Variants in IQSEC1 observed in about 807,000 individuals in gnomAD.
IQSEC1 encodes the protein IQ motif and Sec7 domain ArfGEF 1, also known as IQ motif and SEC7 domain-containing protein 1.
In IQSEC1, 31 loss-of-function variants were observed where a neutral mutation model predicts 91.0. The observed-to-expected ratio is 0.34, with a 90% confidence interval of 0.26 to 0.46. The LOEUF (loss-of-function observed/expected upper bound fraction) is 0.46. IQSEC1 is among the 20% of genes least tolerant of loss of function. The pLI, the probability that IQSEC1 is intolerant of heterozygous loss-of-function variation, is 1.00. For synonymous variants in IQSEC1, 699 were observed against 662.6 expected (o/e 1.05, Z -0.84); for missense variants, 1,388 against 1,575.6 (o/e 0.88, Z 2.02).
intron 1 of IQSEC1, among the ~76,000 whole-genome samples, chr3:13,068,387 C>T (rs954813275): frequency 2.0e-5 from 3 of 152,198 alleles, no homozygotes; most frequent in African/African-American, 4.8e-5. Context: ...CATGCCAGGC[C>T]ATGCCAGCTT....
intron 1 of IQSEC1, among the ~76,000 whole-genome samples, chr3:13,027,727 T>A (rs1181557039): frequency 6.6e-6 from 1 of 151,924 alleles, no homozygotes; most frequent in African/African-American, 2.4e-5. Context: ...GGGAGCAGGT[T>A]TGGAGGGATG....
intron 1 of IQSEC1, among the ~76,000 whole-genome samples, chr3:13,190,164 C>T (rs955657892): frequency 1.1e-4 from 17 of 152,192 alleles, no homozygotes; most frequent in Non-Finnish European, 2.5e-4. Context: ...GGTCCAAGAA[C>T]CCTCCCCCCA....
intron 13 of IQSEC1, among the ~76,000 whole-genome samples, 183 bp downstream of exon 13, chr3:12,902,590 G>T (rs2125000302): frequency 6.7e-6 from 1 of 149,368 alleles, no homozygotes; most frequent in Non-Finnish European, 1.5e-5. Flanking sequence ...TTCCAGGCAG[G>T]CAGGGGCAGG....
chr3:12,980,743 G>A (rs1179699216), intron 1 of IQSEC1, among the ~76,000 whole-genome samples: 3 of 152,160 alleles, frequency 2.0e-5, no homozygotes, highest in Admixed American at 1.3e-4. Context: ...GAGCCCTTCT[G>A]TTCTCTCCTG....
In IQSEC1 at chr3:12,909,489, A is replaced by G; in HGVS notation, c.2417-55T>C. ...CCACGGGTCTCAGTGTGTTCTCTGC[A>G]ATCTCCTCTCTGGTCAGGAAACAAT... On this transcript the variant is annotated intron_variant, in intron 10 of 13. Coordinates refer to ENST00000613206, the MANE Select transcript of IQSEC1 (RefSeq NM_001134382.3). The surrounding 1 kb of genome is among the most constrained non-coding windows in gnomAD (Gnocchi z 4.9). The G allele has an allele frequency of 6.5e-7, 1 of 1,530,604 alleles. No individual in the cohort carries two copies. Among genetic ancestry groups the G allele is most frequent in the Non-Finnish European group, 9.0e-7 (1 of 1,114,480 alleles). The allele number at this position is 1,530,604 out of a possible 1,614,324, so 94.8% of individuals were successfully genotyped here.
chr3:12,922,288 C>A lies in IQSEC1; in HGVS notation c.1731-46G>T. The A allele has an allele frequency of 6.7e-7, 1 of 1,487,496 alleles. No individual in the cohort carries two copies. Among genetic ancestry groups the A allele is most frequent in the Non-Finnish European group, 9.0e-7 (1 of 1,105,258 alleles). The allele number at this position is 1,487,496 out of a possible 1,614,324, so 92.1% of individuals were successfully genotyped here. A position where few individuals can be genotyped will look rare whatever the true frequency, so the allele number is the denominator to read the frequency against. ...CCCGCATAAGCACCCCTTGCAGGTG[C>A]GACACGCCCAGCCCACCCCCAGGTG... On this transcript the variant is annotated intron_variant, in intron 4 of 13. Transcript: ENST00000613206. This position sits in a 1 kb window ranked among gnomAD's most constrained non-coding sequence, Gnocchi z 5.1.
chr3:13,119,646 T>C (rs1022526228), intron 2 of IQSEC1, among the ~76,000 whole-genome samples: 1 of 152,234 alleles, frequency 6.6e-6, no homozygotes, highest in Non-Finnish European at 1.5e-5. Context: ...GTGGGCTGGA[T>C]GTGGCCTGGG....
intron 2 of IQSEC1, among the ~76,000 whole-genome samples, chr3:13,133,999 G>A (rs1706666690): frequency 6.6e-6 from 1 of 152,240 alleles, no homozygotes; most frequent in Admixed American, 6.5e-5. Flanking sequence ...CTTTCTTACA[G>A]CAACCTCCAA....
intron 1 of IQSEC1, among the ~76,000 whole-genome samples, chr3:13,168,389 G>C (rs1237770638): frequency 6.6e-6 from 1 of 152,022 alleles, no homozygotes; most frequent in Non-Finnish European, 1.5e-5. Flanking sequence ...TTTTTATACA[G>C]TGGAAATGAC....
intron 1 of IQSEC1, chr3:13,015,466 C>A: frequency 3.1e-6 from 2 of 649,520 alleles, no homozygotes; most frequent in South Asian, 6.8e-5. Context: ...AAAACTCTGA[C>A]GACAGCCCCC....
chr3:13,152,371 C>T lies in IQSEC1; in HGVS notation c.302+11733G>A, dbSNP rs575347985. Among the ~76,000 whole-genome samples the T allele has an allele frequency of 1.2e-4, 19 of 152,334 alleles. No homozygotes were observed. In the South Asian group the frequency reaches 2.7e-3, roughly 22 times the overall value. On this transcript the variant is annotated intron_variant, in intron 2 of 15. Transcript: ENST00000648114. ...TGGGAAAACAGTAAAGAATAAATAT[C>T]ATATTGCTTTAAATGAATGTTTAGA...
chr3:12,938,099 T>C (rs370645254), intron 2 of IQSEC1, among the ~76,000 whole-genome samples: 10 of 152,176 alleles, frequency 6.6e-5, no homozygotes, highest in East Asian at 3.9e-4. Context: ...AGATAAGGAA[T>C]TGGCTTCTCC....
rs183500185 is a variant in IQSEC1 at position 13,040,477 on chromosome 3, G to T, written c.23+32515C>A. On this transcript the variant is annotated intron_variant, in intron 1 of 13. Transcript: ENST00000613206. ...TGAGTAAGAACCTCCATAGGTCAGGGGAGGGGACAAAGAGCGCTCTCACGG... is the reference window on the plus strand; with the variant it reads ...TGAGTAAGAACCTCCATAGGTCAGGTGAGGGGACAAAGAGCGCTCTCACGG... Among the ~76,000 whole-genome samples, 44 of 152,322 alleles carry T rather than the reference G, an allele frequency of 2.9e-4. No individual in the cohort carries two copies. In the East Asian group the frequency reaches 7.7e-3, roughly 27 times the overall value.
chr3:13,271,796 A>G (rs1449161425), intron 1 of IQSEC1, among the ~76,000 whole-genome samples: 3 of 152,232 alleles, frequency 2.0e-5, no homozygotes, highest in Admixed American at 1.3e-4. Context: ...CCCTTTCTCA[A>G]AAAAACTATA....
intron 1 of IQSEC1, among the ~76,000 whole-genome samples, chr3:13,279,867 A>C (rs1232777564): frequency 6.6e-6 from 1 of 151,786 alleles, no homozygotes; most frequent in Non-Finnish European, 1.5e-5. Flanking sequence ...CTCAACCCCC[A>C]CCTAGCCTCT....
chr3:13,142,343 A>C (rs1706815168), intron 2 of IQSEC1, among the ~76,000 whole-genome samples: 1 of 152,214 alleles, frequency 6.6e-6, no homozygotes, highest in Non-Finnish European at 1.5e-5. Flanking sequence ...GCAGCCCCAG[A>C]TGCATGCTCA....
intron 2 of IQSEC1, among the ~76,000 whole-genome samples, chr3:13,146,220 C>T (rs1706894308): frequency 6.6e-6 from 1 of 151,828 alleles, no homozygotes; most frequent in African/African-American, 2.4e-5. Flanking sequence ...CTCCTGGCCT[C>T]AAGTAATCTT....
chr3:12,900,667 T>A lies in IQSEC1; in HGVS notation c.*316A>T, dbSNP rs987798922. ...GCATGTACATTAGGGCACAGGGAGC[T>A]GAGAGCTGGAGTGGGGGAGGCAGTT... On this transcript the variant is annotated 3_prime_UTR_variant, in exon 14 of 14. Transcript: ENST00000613206. The A allele has an allele frequency of 3.9e-6, 5 of 1,284,828 alleles. No homozygotes were observed. Among genetic ancestry groups the A allele is most frequent in the Admixed American group, 3.9e-5 (1 of 25,770 alleles). The allele number at this position is 1,284,828 out of a possible 1,614,324, so 79.6% of individuals were successfully genotyped here.
intron 2 of IQSEC1, among the ~76,000 whole-genome samples, chr3:13,117,135 C>T (rs1433863227): frequency 6.6e-6 from 1 of 150,512 alleles, no homozygotes; most frequent in African/African-American, 2.4e-5. Context: ...AACTCAACAA[C>T]CAAAAGATAA....
Sources: gnomAD v4.1 joint callset for allele counts (sites outside exome capture counted in the v4.1 genomes callset) on GRCh38, gnomAD v4.1.1 for gene constraint, Gnocchi (gnomAD v3.1) non-coding constraint, MANE v1.5 for transcripts, NCBI Gene and HGNC (gene_info 2026-07-23, HGNC 2026-07-21) for gene names.